The following NTN4 variants were observed in gnomAD, a reference collection of about 807,000 sequenced individuals.
NTN4 encodes netrin-4.
In NTN4, 32 loss-of-function variants were observed where a neutral mutation model predicts 73.6. That is an observed-to-expected ratio of 0.44 (90% CI 0.33 to 0.58). The LOEUF is 0.58. NTN4 is among the 20% of genes least tolerant of loss of function. The pLI is 0.04. For missense variants in NTN4, 654 were observed against 798.3 expected (o/e 0.82, Z 2.18); for synonymous variants, 258 against 287.5 (o/e 0.90, Z 1.04).
Position 95,682,828 on chromosome 12 carries a change from A to C in NTN4, c.1395-6T>G, listed in dbSNP as rs563672673. 6.5e-7 allele frequency: 1 copy of C among 1,536,764 alleles called. No individual in the cohort carries two copies. Among genetic ancestry groups the C allele is most frequent in the South Asian group, 1.1e-5 (1 of 88,502 alleles). ...ACCAGTCTATGTCTGTGTGGCTAAC[A>C]AAATAGAACATGATAAAGAACGTAT... is the stretch of plus-strand genomic sequence containing the variant. On this transcript the variant is annotated splice_polypyrimidine_tract_variant and splice_region_variant and intron_variant, in intron 6 of 9. Coordinates refer to ENST00000343702, the MANE Select transcript of NTN4 (RefSeq NM_021229.4).
At chr12:95,689,664 C>A (rs2078387564) in intron 5 of NTN4, among the ~76,000 whole-genome samples, 1 of 152,278 alleles carries the variant, frequency 6.6e-6, no homozygotes, top group African/African-American at 2.4e-5. Flanking sequence ...ATTCAACACC[C>A]TTTCCTCTGC....
intron 5 of NTN4, among the ~76,000 whole-genome samples, chr12:95,698,818 C>G (rs1179044499): frequency 6.6e-6 from 1 of 151,852 alleles, no homozygotes. Context: ...GTTCATGACA[C>G]TGCACTCCAG....
intron 2 of NTN4, among the ~76,000 whole-genome samples, chr12:95,743,567 A>T (rs1229318536): frequency 6.6e-6 from 1 of 151,952 alleles, no homozygotes; most frequent in Non-Finnish European, 1.5e-5. Context: ...ATTTCAAAAT[A>T]CTCCTGATTT....
intron 2 of NTN4, among the ~76,000 whole-genome samples, chr12:95,740,495 C>A (rs1009095874): frequency 6.6e-6 from 1 of 152,152 alleles, no homozygotes; most frequent in South Asian, 2.1e-4. Context: ...TCAGGGATTG[C>A]GCTTTTTGAC....
At chr12:95,768,374 G>C (rs4762618) in intron 2 of NTN4, among the ~76,000 whole-genome samples, 51,578 of 151,760 alleles carry the variant, frequency 0.34, 9,323 homozygotes, top group East Asian at 0.62. Context: ...TAAATTATTT[G>C]AGTGACTTAA....
At chr12:95,674,165 A>G (rs1351862895) in intron 7 of NTN4, among the ~76,000 whole-genome samples, 2 of 151,936 alleles carry the variant, frequency 1.3e-5, no homozygotes, top group African/African-American at 4.8e-5. Context: ...ACTCTGCCAA[A>G]AAAAAAAGAA....
At chr12:95,672,340 A>G in intron 7 of NTN4, 3 of 791,832 alleles carry the variant, frequency 3.8e-6, no homozygotes, top group Non-Finnish European at 7.0e-6. Context: ...TCCAGCATGG[A>G]GAGTGCATGG....
chr12:95,720,557 A>G (rs1474432527), intron 3 of NTN4, among the ~76,000 whole-genome samples: 3 of 152,086 alleles, frequency 2.0e-5, no homozygotes, highest in Non-Finnish European at 4.4e-5. Flanking sequence ...CAGGGAATAT[A>G]TATATTATGA....
intron 7 of NTN4, among the ~76,000 whole-genome samples, chr12:95,680,140 TTA>T (rs1400110162): frequency 6.6e-6 from 1 of 152,162 alleles, no homozygotes; most frequent in East Asian, 1.9e-4. Context: ...ACTAAATACT[TTA>T]TTTGTTTATT....
chr12:95,696,009 C>A (rs1167459522), intron 5 of NTN4, among the ~76,000 whole-genome samples: 2 of 149,818 alleles, frequency 1.3e-5, no homozygotes. Flanking sequence ...CCCTTTCCCT[C>A]CCTCCCATAC....
chr12:95,776,323 T>G (rs375973898), intron 2 of NTN4, among the ~76,000 whole-genome samples: 1 of 152,150 alleles, frequency 6.6e-6, no homozygotes, highest in Non-Finnish European at 1.5e-5. Flanking sequence ...ATGACTTTGA[T>G]GAGTTGAGAG....
In NTN4 at chr12:95,702,307, A is replaced by G. The variant is rs558310691; in HGVS notation, c.1180+8134T>C. On this transcript the variant is annotated intron_variant, in intron 5 of 9. Transcript: ENST00000343702. ...AAGAACAAAAAAAAAACAAAAAAAAAGAAAAAAAAAAAAAGAAATCAGGAC... is the reference window on the plus strand; with the variant it reads ...AAGAACAAAAAAAAAACAAAAAAAAGGAAAAAAAAAAAAAGAAATCAGGAC... 3.4e-5 allele frequency among the ~76,000 whole-genome samples: 5 copies of G among 147,032 alleles called. 1 individual carries two copies. The East Asian group carries it at 7.8e-4, about 23-fold the overall frequency.
intron 9 of NTN4, among the ~76,000 whole-genome samples, chr12:95,661,508 G>T (rs191960448): frequency 1.8e-3 from 271 of 152,236 alleles, no homozygotes; most frequent in East Asian, 8.5e-3. Flanking sequence ...TATCTCTAAA[G>T]GTAAAACAAA....
chr12:95,784,293 C>T (rs1204916397), intron 2 of NTN4, among the ~76,000 whole-genome samples: 1 of 152,138 alleles, frequency 6.6e-6, no homozygotes, highest in Non-Finnish European at 1.5e-5. Context: ...TCTGGGGAGG[C>T]TTCCTGTAGT....
chr12:95,689,093 G>A (rs1468036829), intron 5 of NTN4, among the ~76,000 whole-genome samples: 1 of 152,010 alleles, frequency 6.6e-6, no homozygotes, highest in African/African-American at 2.4e-5. Context: ...CTCCCCATAA[G>A]CTCTCTTTCA....
chr12:95,730,838 G>A (rs1231942442), intron 3 of NTN4, among the ~76,000 whole-genome samples: 2 of 152,092 alleles, frequency 1.3e-5, no homozygotes, highest in African/African-American at 4.8e-5. Context: ...TTAATATTAG[G>A]AATATGTTGC....
chr12:95,769,801 G>C (rs757901818), intron 2 of NTN4, among the ~76,000 whole-genome samples: 9 of 142,130 alleles, frequency 6.3e-5, no homozygotes, highest in Non-Finnish European at 1.4e-4. Flanking sequence ...TTGTCACCCA[G>C]GCTGGAGTGC....
At chr12:95,785,611 T>C (rs116655828) in intron 2 of NTN4, among the ~76,000 whole-genome samples, 1 of 152,314 alleles carries the variant, frequency 6.6e-6, no homozygotes, top group African/African-American at 2.4e-5. Context: ...CATGTATCTA[T>C]GGAAGTGGGG....
chr12:95,667,307 C>A (rs940035837), intron 8 of NTN4, among the ~76,000 whole-genome samples: 1 of 151,652 alleles, frequency 6.6e-6, no homozygotes, highest in South Asian at 2.1e-4. Flanking sequence ...CTTCCTGCCT[C>A]AGCCTCCCGA....
Sources: gnomAD v4.1 joint callset for allele counts (sites outside exome capture counted in the v4.1 genomes callset) on GRCh38, gnomAD v4.1.1 for gene constraint, MANE v1.5 for transcripts, NCBI Gene and HGNC (gene_info 2026-07-23, HGNC 2026-07-21) for gene names.